STXBP6: variants seen among roughly 807,000 people sequenced by gnomAD.
STXBP6 encodes the protein syntaxin binding protein 6.
Under a neutral mutation model 26.9 loss-of-function variants are expected in STXBP6, and 21 were observed. That is an observed-to-expected ratio of 0.78 (90% CI 0.55 to 1.12). The LOEUF (loss-of-function observed/expected upper bound fraction) is 1.12, where lower values mean the gene tolerates loss of function less well. Among genes scored for constraint, STXBP6 ranks in the 50% most tolerant of loss-of-function variants. The pLI is 0.00. For missense variants in STXBP6, 232 were observed against 257.9 expected (o/e 0.90, Z 0.69); for synonymous variants, 97 against 92.6 (o/e 1.05, Z -0.27).
intron 2 of STXBP6, among the ~76,000 whole-genome samples, chr14:24,936,906 T>C (rs542517809): frequency 2.6e-5 from 4 of 152,280 alleles, no homozygotes; most frequent in African/African-American, 7.2e-5. Context: ...CCATCAATGA[T>C]AGACTGGAAA....
intron 1 of STXBP6, among the ~76,000 whole-genome samples, chr14:25,029,020 T>C (rs543217451): frequency 2.0e-5 from 3 of 152,292 alleles, no homozygotes; most frequent in African/African-American, 7.2e-5. Flanking sequence ...TTGCTTCTTA[T>C]GGATGAGCAG....
intron 2 of STXBP6, among the ~76,000 whole-genome samples, chr14:24,888,232 C>G (rs930850632): frequency 3.4e-4 from 52 of 152,140 alleles, no homozygotes; most frequent in Non-Finnish European, 3.7e-4. Flanking sequence ...AACACAACAT[C>G]AACAAAACTT....
intron 1 of STXBP6, among the ~76,000 whole-genome samples, chr14:25,022,766 C>T (rs1032099461): frequency 6.6e-6 from 1 of 152,182 alleles, no homozygotes; most frequent in Non-Finnish European, 1.5e-5. Flanking sequence ...ACTGAGTCTT[C>T]ACCTACCATC....
rs375805873 is a variant in STXBP6 at position 24,990,790 on chromosome 14, T to C, written c.-32-15940A>G. ...GGCTGAGAGAAGAAGGTTGATCACA[T>C]ACAAGCAAATGCCACAAAGAAAACT... is the stretch of plus-strand genomic sequence containing the variant. On this transcript the variant is annotated intron_variant, in intron 1 of 5. Coordinates refer to ENST00000323944, the MANE Select transcript of STXBP6 (RefSeq NM_001394410.1). 3.2e-4 allele frequency among the ~76,000 whole-genome samples: 48 copies of C among 150,898 alleles called. 1 individual carries two copies. The highest frequency in any genetic ancestry group is 1.1e-3 in the African/African-American group (46 of 40,966).
Position 25,024,166 on chromosome 14 carries a change from G to A in STXBP6, c.-33+25712C>T, listed in dbSNP as rs137931437. Among the ~76,000 whole-genome samples, 661 of 152,126 alleles carry A rather than the reference G, an allele frequency of 4.3e-3. 5 individuals carry two copies. The highest frequency in any genetic ancestry group is 0.015 in the African/African-American group (623 of 41,490). ...CTACTAAAAATGCAAAAAATTAGCC[G>A]GGCATGGTGGCACACGCCTGTAGTC... is the stretch of plus-strand genomic sequence containing the variant. On this transcript the variant is annotated intron_variant, in intron 1 of 5. Coordinates refer to ENST00000323944, the MANE Select transcript of STXBP6 (RefSeq NM_001394410.1).
At chr14:24,842,869 ACTTAAT>A (rs1348206583) in intron 4 of STXBP6, among the ~76,000 whole-genome samples, 1 of 152,200 alleles carries the variant, frequency 6.6e-6, no homozygotes, top group Non-Finnish European at 1.5e-5. Context: ...CTGCAGTTTT[ACTTAAT>A]CTTAATCAGA....
rs184817685 is a variant in STXBP6, at chr14:24,904,237, A to G, written c.155-47080T>C. Among the ~76,000 whole-genome samples, 4 of 152,324 alleles carry G rather than the reference A, an allele frequency of 2.6e-5. No homozygotes were observed. In the East Asian group the frequency reaches 7.7e-4, roughly 29 times the overall value. On this transcript the variant is annotated intron_variant, in intron 2 of 5. Transcript: ENST00000323944. ...TCAAGCACAGTCCCAAAGTCATTTTACAGATTTTATGTGAATAATATAGGT... is the reference window on the plus strand; with the variant it reads ...TCAAGCACAGTCCCAAAGTCATTTTGCAGATTTTATGTGAATAATATAGGT...
intron 2 of STXBP6, among the ~76,000 whole-genome samples, chr14:24,927,660 CAT>C (rs1452298359): frequency 6.6e-6 from 1 of 152,234 alleles, no homozygotes; most frequent in African/African-American, 2.4e-5. Context: ...GCGACAGACA[CAT>C]AGTCTCTCTA....
chr14:25,045,851 A>C (rs958272138), intron 1 of STXBP6, among the ~76,000 whole-genome samples: 23 of 151,738 alleles, frequency 1.5e-4, no homozygotes, highest in African/African-American at 4.6e-4. Context: ...CAGGTGATCC[A>C]CCCGCCTCAG....
chr14:24,940,758 G>A (rs759906519), intron 2 of STXBP6, among the ~76,000 whole-genome samples: 2 of 152,190 alleles, frequency 1.3e-5, no homozygotes, highest in African/African-American at 4.8e-5. Context: ...GCTCACGCCT[G>A]TAATCCCAGC....
chr14:25,000,564 C>T (rs745955924), intron 1 of STXBP6, among the ~76,000 whole-genome samples: 4 of 151,488 alleles, frequency 2.6e-5, no homozygotes, highest in Non-Finnish European at 5.9e-5. Flanking sequence ...ATTTCTCTTC[C>T]CTACGGGAAG....
intron 4 of STXBP6, among the ~76,000 whole-genome samples, chr14:24,854,016 G>A (rs854325): frequency 0.61 from 93,337 of 151,892 alleles, 30,543 homozygotes; most frequent in East Asian, 0.99. Flanking sequence ...TATTCTCTAT[G>A]TCCAATACGT....
intron 1 of STXBP6, among the ~76,000 whole-genome samples, chr14:24,975,883 T>C (rs1211617103): frequency 1.3e-5 from 2 of 152,218 alleles, no homozygotes; most frequent in African/African-American, 4.8e-5. Context: ...TCATAAATAG[T>C]CTGTGCCCTA....
intron 2 of STXBP6, among the ~76,000 whole-genome samples, chr14:24,907,155 A>G (rs1015407657): frequency 4.6e-5 from 7 of 152,144 alleles, no homozygotes; most frequent in African/African-American, 1.7e-4. Context: ...CAAAATAGCT[A>G]GAAGAAAAAA....
At chr14:24,835,619 A>AT (rs1180020811) in intron 4 of STXBP6, among the ~76,000 whole-genome samples, 1 of 152,208 alleles carries the variant, frequency 6.6e-6, no homozygotes, top group Non-Finnish European at 1.5e-5. Context: ...ATGGAATATT[A>AT]TTTTTTAAGA....
At chr14:24,852,140 T>G (rs1884985814) in intron 4 of STXBP6, among the ~76,000 whole-genome samples, 1 of 152,126 alleles carries the variant, frequency 6.6e-6, no homozygotes, top group Admixed American at 6.6e-5. Flanking sequence ...TTCTTTATTG[T>G]CCTGACCTAT....
chr14:24,903,281 T>C (rs963780516), intron 2 of STXBP6, among the ~76,000 whole-genome samples: 2 of 152,180 alleles, frequency 1.3e-5, no homozygotes, highest in East Asian at 3.8e-4. Context: ...GAGCATATGC[T>C]GGATGATGTA....
intron 1 of STXBP6, among the ~76,000 whole-genome samples, chr14:24,979,264 C>T (rs1043570785): frequency 6.6e-6 from 1 of 152,192 alleles, no homozygotes; most frequent in African/African-American, 2.4e-5. Flanking sequence ...GACTATGTAA[C>T]AATTATACTT....
intron 2 of STXBP6, among the ~76,000 whole-genome samples, chr14:24,929,211 T>G (rs374175591): frequency 6.6e-6 from 1 of 152,244 alleles, no homozygotes; most frequent in Non-Finnish European, 1.5e-5. Flanking sequence ...TGAAAAGTCA[T>G]AGGCATTTCA....
Sources: gnomAD v4.1 joint callset for allele counts (sites outside exome capture counted in the v4.1 genomes callset) on GRCh38, gnomAD v4.1.1 for gene constraint, MANE v1.5 for transcripts, NCBI Gene and HGNC (gene_info 2026-07-23, HGNC 2026-07-21) for gene names.